The following CNTN4 variants were observed in gnomAD, a reference collection of about 807,000 sequenced individuals.
The protein encoded by CNTN4 is contactin 4.
In CNTN4, 77 loss-of-function variants were observed where a neutral mutation model predicts 122.5. That is an observed-to-expected ratio of 0.63 (90% CI 0.52 to 0.76). The LOEUF is 0.76. CNTN4 is among the 30% of genes least tolerant of loss of function. CNTN4 has a pLI of 0.00. For missense variants in CNTN4, 1,256 were observed against 1,259.1 expected (o/e 1.00, Z 0.04); for synonymous variants, 512 against 447.0 (o/e 1.15, Z -1.83).
intron 2 of CNTN4, among the ~76,000 whole-genome samples, chr3:2,169,174 A>G (rs1432706762): frequency 1.3e-5 from 2 of 152,164 alleles, no homozygotes; most frequent in African/African-American, 4.8e-5. Context: ...TTACTCTTGT[A>G]AATATGATTG....
At chr3:2,520,078 G>A (rs1200546657) in intron 3 of CNTN4, among the ~76,000 whole-genome samples, 4 of 152,028 alleles carry the variant, frequency 2.6e-5, no homozygotes, top group Non-Finnish European at 5.9e-5. Flanking sequence ...GTATGAGTCT[G>A]AAGTTAATGA....
intron 3 of CNTN4, among the ~76,000 whole-genome samples, chr3:2,410,853 A>G: frequency 6.6e-6 from 1 of 152,196 alleles, no homozygotes; most frequent in Non-Finnish European, 1.5e-5. Context: ...TGACTGTGGG[A>G]TCTTGGTCAA....
At chr3:2,357,360 A>G (rs2044916681) in intron 3 of CNTN4, among the ~76,000 whole-genome samples, 1 of 152,228 alleles carries the variant, frequency 6.6e-6, no homozygotes, top group Non-Finnish European at 1.5e-5. Flanking sequence ...TGGAATTAAA[A>G]GCTAGATTCT....
At chr3:2,172,100 A>G (rs990646715) in intron 2 of CNTN4, among the ~76,000 whole-genome samples, 2 of 152,224 alleles carry the variant, frequency 1.3e-5, no homozygotes, top group Admixed American at 6.5e-5. Context: ...GTTTTATTGT[A>G]AGTTGATCTT....
At position 2,260,127 on chromosome 3, in the gene CNTN4, G is replaced by A. The variant is rs114800325; in HGVS notation, c.-144-79051G>A. ...GCACCATTTTCTTGCCCAAGAATGG[G>A]GATAGCAATTCTTTTACTTTCTACC... On this transcript the variant is annotated intron_variant, in intron 2 of 24. Transcript: ENST00000418658. 6.9e-3 allele frequency among the ~76,000 whole-genome samples: 1,047 copies of A among 152,174 alleles called. 12 individuals are homozygous for A. Among genetic ancestry groups the A allele is most frequent in the African/African-American group, 0.024 (1,012 of 41,524 alleles).
chr3:2,559,934 G>T (rs1424334027), intron 3 of CNTN4, among the ~76,000 whole-genome samples: 1 of 152,142 alleles, frequency 6.6e-6, no homozygotes, highest in Non-Finnish European at 1.5e-5. Context: ...CTGGTACAGT[G>T]TCTGACATAT....
At chr3:2,437,482 A>T (rs1451727606) in intron 3 of CNTN4, among the ~76,000 whole-genome samples, 1 of 152,232 alleles carries the variant, frequency 6.6e-6, no homozygotes, top group Admixed American at 6.5e-5. Context: ...AATTTCAAAT[A>T]ATCAAACCCC....
At chr3:2,862,414 A>G (rs2093680543) in intron 7 of CNTN4, among the ~76,000 whole-genome samples, 1 of 152,374 alleles carries the variant, frequency 6.6e-6, no homozygotes, top group Middle Eastern at 3.4e-3. Flanking sequence ...AGTGAGCTTC[A>G]GAGTTAATTT....
At chr3:2,209,846 A>G (rs773831418) in intron 2 of CNTN4, among the ~76,000 whole-genome samples, 4 of 152,082 alleles carry the variant, frequency 2.6e-5, no homozygotes, top group Non-Finnish European at 5.9e-5. Context: ...AAATAAAGCT[A>G]TTCTGTCAAA....
At chr3:2,332,100 T>C (rs1245893038) in intron 2 of CNTN4, among the ~76,000 whole-genome samples, 4 of 152,108 alleles carry the variant, frequency 2.6e-5, no homozygotes, top group African/African-American at 9.7e-5. Context: ...CGTGACAGGC[T>C]CTTTGTTGTA....
intron 7 of CNTN4, 91 bp from the exon 8 acceptor site, chr3:2,866,661 A>G (rs145978491): frequency 3.8e-6 from 5 of 1,305,176 alleles, no homozygotes; most frequent in African/African-American, 2.9e-5. Context: ...ACAACAATGT[A>G]TACATTTTTA....
chr3:2,649,167 T>C (rs1372055747), intron 4 of CNTN4, among the ~76,000 whole-genome samples: 1 of 152,184 alleles, frequency 6.6e-6, no homozygotes, highest in African/African-American at 2.4e-5. Context: ...AATGCTGATA[T>C]AGAAACTGCA....
intron 10 of CNTN4, among the ~76,000 whole-genome samples, chr3:2,888,136 ATTC>A (rs2093999258): frequency 6.6e-6 from 1 of 152,168 alleles, no homozygotes; most frequent in Non-Finnish European, 1.5e-5. Context: ...TATTTCACTA[ATTC>A]TTCTTCCAAA....
At chr3:2,789,778 A>G (rs892218506) in intron 6 of CNTN4, among the ~76,000 whole-genome samples, 1 of 152,212 alleles carries the variant, frequency 6.6e-6, no homozygotes, top group Non-Finnish European at 1.5e-5. Context: ...AGAACAATGT[A>G]GAGAGGTTTT....
Position 2,351,634 on chromosome 3 carries a change from T to G in CNTN4, c.-89+12401T>G, listed in dbSNP as rs551536702. Among the ~76,000 whole-genome samples the G allele has an allele frequency of 1.2e-3, 180 of 152,316 alleles. 1 individual carries two copies. Among genetic ancestry groups the G allele is most frequent in the African/African-American group, 4.2e-3 (174 of 41,578 alleles). ...TTTCTTCACGCTACTCGGAATGGTG[T>G]AGAATTTAAAACTTATGAATTCTTT... On this transcript the variant is annotated intron_variant, in intron 3 of 24. Coordinates refer to ENST00000418658, the MANE Select transcript of CNTN4 (RefSeq NM_175607.3).
At position 3,043,705 on chromosome 3, in the gene CNTN4, G is replaced by C. The variant is rs1293229888; in HGVS notation, c.2811+1G>C. On this transcript the variant is annotated splice_donor_variant, in intron 23 of 24. Transcript: ENST00000418658. LOFTEE classifies it high-confidence loss of function. The stretch of plus-strand genomic sequence containing the variant: ...TGAGTCGGAAGTAAAAGGATACAAA[G>C]TAGGTAATTTCTTTTTTGCAAAGGC... The C allele has an allele frequency of 6.2e-7, 1 of 1,603,332 alleles. No individual in the cohort carries two copies. Among genetic ancestry groups the C allele is most frequent in the Non-Finnish European group, 8.5e-7 (1 of 1,170,208 alleles).
chr3:2,657,823 A>T (rs1465635092), intron 4 of CNTN4, among the ~76,000 whole-genome samples: 2 of 151,522 alleles, frequency 1.3e-5, no homozygotes, highest in East Asian at 3.9e-4. Context: ...TTGACCAGTG[A>T]CTTTCTTAAT....
At chr3:2,182,760 T>C (rs2037074437) in intron 2 of CNTN4, among the ~76,000 whole-genome samples, 1 of 151,956 alleles carries the variant, frequency 6.6e-6, no homozygotes, top group Non-Finnish European at 1.5e-5. Context: ...AAGCAAAACT[T>C]CCGCATAAGT....
At chr3:2,516,591 C>G (rs531402846) in intron 3 of CNTN4, among the ~76,000 whole-genome samples, 40 of 152,066 alleles carry the variant, frequency 2.6e-4, no homozygotes, top group Non-Finnish European at 4.9e-4. Context: ...AGACATGACT[C>G]TAGGGCTTGT....
Sources: allele counts gnomAD v4.1 joint callset (sites outside exome capture counted in the v4.1 genomes callset), GRCh38; gene constraint gnomAD v4.1.1; transcripts MANE v1.5; gene names NCBI Gene and HGNC (gene_info 2026-07-23, HGNC 2026-07-21).